The following DIS3L2 variants were observed in gnomAD, a reference collection of about 807,000 sequenced individuals.
DIS3L2 encodes DIS3-like exonuclease 2.
Under a neutral mutation model 97.5 loss-of-function variants are expected in DIS3L2, and 34 were observed. That is an observed-to-expected ratio of 0.35 (90% confidence interval 0.27 to 0.46). The LOEUF is 0.46. Among genes scored for constraint, DIS3L2 ranks in the 20% least tolerant of loss-of-function variants. The probability of loss-of-function intolerance (pLI) is 1.00; values close to 1 mark genes in which losing one functional copy is unlikely to be tolerated. For missense variants in DIS3L2, 1,038 were observed against 1,146.0 expected (o/e 0.91, Z 1.36); for synonymous variants, 435 against 445.2 (o/e 0.98, Z 0.29).
At chr2:232,057,173 C>G (rs1011499873) in intron 5 of DIS3L2, among the ~76,000 whole-genome samples, 2 of 152,044 alleles carry the variant, frequency 1.3e-5, no homozygotes, top group East Asian at 3.9e-4. Flanking sequence ...AAGCATAAAA[C>G]TATAGTTTTA....
intron 5 of DIS3L2, among the ~76,000 whole-genome samples, chr2:232,036,903 C>T (rs907052122): frequency 3.3e-5 from 5 of 152,170 alleles, no homozygotes; most frequent in African/African-American, 1.2e-4. Flanking sequence ...AAGCTTCATC[C>T]CAGAGAGGCA....
chr2:231,970,328 C>G lies in DIS3L2; in HGVS notation c.-94+8563C>G, dbSNP rs548007913. 7.2e-5 allele frequency among the ~76,000 whole-genome samples: 11 copies of G among 152,246 alleles called. No individual in the cohort carries two copies. In the East Asian group the frequency reaches 1.9e-3, roughly 27 times the overall value. Reference sequence around the variant, plus strand: ...TGTTGCCTAACAATGGAGATGCATTCTGAGAAATGCATTGTTAGGTAATTT... The same window carrying G: ...TGTTGCCTAACAATGGAGATGCATTGTGAGAAATGCATTGTTAGGTAATTT... On this transcript the variant is annotated intron_variant, in intron 1 of 20. Coordinates refer to ENST00000325385, the MANE Select transcript of DIS3L2 (RefSeq NM_152383.5).
At chr2:232,340,850 C>T (rs559413923), downstream of DIS3L2, 122 of 471,476 alleles carry the variant, frequency 2.6e-4, 1 homozygote, top group African/African-American at 2.0e-3. Context: ...CATGCCTATC[C>T]GTGCACAGCC....
intron 1 of DIS3L2, among the ~76,000 whole-genome samples, chr2:231,975,195 A>G (rs770124082): frequency 3.3e-5 from 5 of 152,188 alleles, no homozygotes; most frequent in Non-Finnish European, 5.9e-5. Flanking sequence ...GTGCCAAGCT[A>G]AAAGAATGTA....
At chr2:232,247,762 G>A (rs185382749) in intron 11 of DIS3L2, among the ~76,000 whole-genome samples, 28 of 152,018 alleles carry the variant, frequency 1.8e-4, no homozygotes, top group African/African-American at 6.8e-4. Context: ...TTTTTAAACA[G>A]GTGAAGATGT....
chr2:232,288,733 A>G (rs535763900), intron 13 of DIS3L2, among the ~76,000 whole-genome samples: 18 of 152,100 alleles, frequency 1.2e-4, no homozygotes, highest in Non-Finnish European at 1.8e-4. Context: ...TTTTTTTTCC[A>G]TGAACTGAAT....
At chr2:232,158,229 T>G (rs1313249309) in intron 8 of DIS3L2, among the ~76,000 whole-genome samples, 1 of 152,178 alleles carries the variant, frequency 6.6e-6, no homozygotes. Flanking sequence ...CGTGTCCATT[T>G]ATGACTCATG....
At chr2:232,055,792 GGATA>G (rs1249128107) in intron 5 of DIS3L2, among the ~76,000 whole-genome samples, 1 of 152,104 alleles carries the variant, frequency 6.6e-6, no homozygotes, top group African/African-American at 2.4e-5. Flanking sequence ...CTAGTGAATG[GGATA>G]GAAAGTCCAG....
chr2:232,188,086 G>A (rs1312588114), intron 9 of DIS3L2, among the ~76,000 whole-genome samples: 1 of 152,112 alleles, frequency 6.6e-6, no homozygotes, highest in African/African-American at 2.4e-5. Context: ...GTTGCAATGA[G>A]CTGAGATCGC....
intron 1 of DIS3L2, among the ~76,000 whole-genome samples, chr2:231,967,609 A>G (rs929363966): frequency 2.0e-5 from 3 of 152,238 alleles, no homozygotes; most frequent in Non-Finnish European, 2.9e-5. Flanking sequence ...AAACAAGGTC[A>G]GAAATTTACA....
At chr2:232,074,663 C>A (rs1392327636) in intron 5 of DIS3L2, among the ~76,000 whole-genome samples, 1 of 148,390 alleles carries the variant, frequency 6.7e-6, no homozygotes, top group African/African-American at 2.5e-5. Flanking sequence ...CAGCTCATTG[C>A]AGCCTTGACT....
intron 13 of DIS3L2, among the ~76,000 whole-genome samples, chr2:232,270,899 T>G (rs918814871): frequency 1.3e-4 from 19 of 149,146 alleles, no homozygotes; most frequent in South Asian, 6.3e-4. Flanking sequence ...TCTCTCTCTC[T>G]CTCTCTCTCT....
chr2:231,993,976 T>C (rs1371289877), intron 1 of DIS3L2, among the ~76,000 whole-genome samples: 1 of 152,112 alleles, frequency 6.6e-6, no homozygotes, highest in Non-Finnish European at 1.5e-5. Context: ...GCTTTTCTCT[T>C]ATGTTCTCCT....
chr2:232,122,531 A>C (rs1697936763), intron 6 of DIS3L2, among the ~76,000 whole-genome samples: 1 of 152,180 alleles, frequency 6.6e-6, no homozygotes, highest in African/African-American at 2.4e-5. Flanking sequence ...AGCCTGACCA[A>C]CATGGTGAAA....
chr2:231,992,231 T>C (rs1359792730), intron 1 of DIS3L2, among the ~76,000 whole-genome samples: 1 of 152,110 alleles, frequency 6.6e-6, no homozygotes, highest in African/African-American at 2.4e-5. Context: ...GGAGAGGATA[T>C]GGAATTTGAG....
At chr2:231,982,369 A>G (rs1174247604) in intron 1 of DIS3L2, among the ~76,000 whole-genome samples, 2 of 152,334 alleles carry the variant, frequency 1.3e-5, no homozygotes, top group Non-Finnish European at 2.9e-5. Flanking sequence ...AGTTTACCTA[A>G]CATGGGAAGC....
In DIS3L2 at chr2:232,335,945, A is replaced by T. The variant is rs1353576855; in HGVS notation, c.2496+71A>T. On this transcript the variant is annotated intron_variant, in intron 20 of 20. Transcript: ENST00000325385. Reference sequence around the variant, plus strand: ...TCTCCTGCCTCCTGCGGTGCCCCTCATTCCTTCATCTGTGTCCCCTGGGCT... The same window carrying T: ...TCTCCTGCCTCCTGCGGTGCCCCTCTTTCCTTCATCTGTGTCCCCTGGGCT... 6.7e-5 allele frequency: 103 copies of T among 1,546,000 alleles called. 1 individual carries two copies. In the South Asian group the frequency reaches 1.2e-3, roughly 18 times the overall value.
intron 9 of DIS3L2, among the ~76,000 whole-genome samples, chr2:232,175,259 T>C (rs765822594): frequency 6.6e-6 from 1 of 152,166 alleles, no homozygotes; most frequent in Non-Finnish European, 1.5e-5. Context: ...TTTTGTCAAA[T>C]GGTTTTTCTG....
chr2:231,980,897 A>G (rs1032749061), intron 1 of DIS3L2, among the ~76,000 whole-genome samples: 1 of 152,038 alleles, frequency 6.6e-6, no homozygotes. Flanking sequence ...AGCCTCCTGA[A>G]TAGCTGGGAC....
Sources: gnomAD v4.1 joint callset for allele counts (sites outside exome capture counted in the v4.1 genomes callset) on GRCh38, gnomAD v4.1.1 for gene constraint, MANE v1.5 for transcripts, NCBI Gene and HGNC (gene_info 2026-07-23, HGNC 2026-07-21) for gene names.